WDR90: variants seen among roughly 807,000 people sequenced by gnomAD.
The protein encoded by WDR90 is WD repeat domain 90.
Under a neutral mutation model 195.2 loss-of-function variants are expected in WDR90, and 238 were observed. The ratio of observed to expected loss-of-function variants is 1.22; its 90% confidence interval spans 1.10 to 1.36. WDR90 has a LOEUF of 1.36. WDR90 is among the 40% of genes most tolerant of loss of function. The probability of loss-of-function intolerance (pLI) is 0.00; values close to 1 mark genes in which losing one functional copy is unlikely to be tolerated. For missense variants in WDR90, 2,734 were observed against 2,439.5 expected, an observed-to-expected ratio of 1.12 and a Z score of -2.54; for synonymous variants, 1,265 against 1,052.4, an observed-to-expected ratio of 1.20 and a Z score of -3.91.
In WDR90 at chr16:658,963, G is replaced by A. The variant is rs770759194; in HGVS notation, c.2963G>A (p.Ser988Asn). Residue 988 changes from serine (S) to asparagine (N), a missense_variant, in exon 24 of 41, where the codon AGC becomes AAC. By Grantham distance (46) the Ser-to-Asn change is conservative. Coordinates refer to ENST00000293879, the MANE Select transcript of WDR90 (RefSeq NM_145294.5). ...TCTCCTGACCAGCAGCAGGTCCTCA[G>A]CGCAGGGGACGCCGTCTTCCTCTGG... ...AFSPDQQQVL[S>N]AGDAVFLWDV... The A allele has an allele frequency of 4.3e-6, 7 of 1,612,812 alleles. No individual in the cohort carries two copies. The South Asian group carries it at 7.7e-5, about 18-fold the overall frequency.
chr16:656,593 G>A, intron 18 of WDR90, 56 bp downstream of exon 18: 1 of 1,573,848 alleles, frequency 6.4e-7, no homozygotes. Context: ...TGAAGCTGGG[G>A]TTTGTCAGCG....
At chr16:667,056 G>A in intron 40 of WDR90, 67 bp downstream of exon 40, 1 of 1,491,460 alleles carries the variant, frequency 6.7e-7, no homozygotes, top group South Asian at 1.2e-5. Flanking sequence ...CTGGTGCCCT[G>A]TTCCAAGACA....
chr16:650,003 A>C lies in WDR90; in HGVS notation c.115A>C (p.Lys39Gln). 1.2e-6 allele frequency: 2 copies of C among 1,612,744 alleles called. No homozygotes were observed. The highest frequency in any genetic ancestry group is 1.7e-6 in the Non-Finnish European group (2 of 1,179,934). The change falls in exon 3 of 41, where the codon AAG (lysine) becomes CAG (glutamine). Residue 39 changes from lysine to glutamine, a missense_variant. Physicochemically the swap from Lys to Gln is moderately conservative, Grantham distance 53 (BLOSUM62 1). Transcript: ENST00000293879. ...CCCGCTTCTCCAGGACAAGACCCTG[A>C]AGGGCGCCGTGTATCGCATTCGGGG... ...DVAVVTDKTL[K>Q]GAVYRIRGSV...
rs147587073 is a variant in WDR90 at position 660,420 on chromosome 16, C to T, written c.3289-192C>T. The T allele has an allele frequency of 1.8e-3, 1,214 of 658,826 alleles. 16 individuals carry two copies. In the African/African-American group the frequency reaches 0.019, roughly 10 times the overall value. The allele number at this position is 658,826 out of a possible 1,614,324, so 40.8% of individuals were successfully genotyped here. ...GCAGCTGCCCTTGATGAGAGCCCCA[C>T]GGGCCTGTGCCCCTCCTGGCCCTGG... On this transcript the variant is annotated intron_variant, in intron 27 of 40. Coordinates refer to ENST00000293879, the MANE Select transcript of WDR90 (RefSeq NM_145294.5).
chr16:649,616 G>C, intron 1 of WDR90, 147 bp from the exon 2 acceptor site: 1 of 1,145,118 alleles, frequency 8.7e-7, no homozygotes, highest in Non-Finnish European at 1.1e-6. Flanking sequence ...GCCCGGCCTC[G>C]TCCCGCCAGC....
rs780680625 is a variant in WDR90, at chr16:659,292, C to T, written c.3100C>T (p.Leu1034Phe). ...LEDAASRASE[L>F]PRQQVPKPCQ... ...GGACGCAGCGTCCAGGGCCAGCGAG[C>T]TCCCCCGGCAGCAGGTCCCCAAGCC... Residue 1034 changes from leucine to phenylalanine, a missense_variant, in exon 26 of 41, where the codon CTC (leucine) becomes TTC (phenylalanine). Transcript: ENST00000293879. 1 of 1,603,904 alleles carries T rather than the reference C, an allele frequency of 6.2e-7. No homozygotes were observed. Among genetic ancestry groups the T allele is most frequent in the South Asian group, 1.1e-5 (1 of 89,962 alleles).
chr16:654,072 T>C (rs2037697878), intron 13 of WDR90: 1 of 494,964 alleles, frequency 2.0e-6, no homozygotes, highest in East Asian at 3.2e-5. Flanking sequence ...CCTCGTTCTC[T>C]CTGCTGGTGA....
rs113683627 is a variant in WDR90, at chr16:651,337, AG to A, written c.736+74del. The A allele has an allele frequency of 1.9e-5, 29 of 1,548,088 alleles. No homozygotes were observed. In the African/African-American group the frequency reaches 2.6e-4, roughly 14 times the overall value. On this transcript the variant is annotated intron_variant, in intron 7 of 40. Coordinates refer to ENST00000293879, the MANE Select transcript of WDR90 (RefSeq NM_145294.5). ...TGCGTGGGGCTCGGTAGGAGAGGGC[AG>A]GGCTGGGAAAGGACCCAGTGGTGTG... is the stretch of plus-strand genomic sequence containing the variant.
intron 23 of WDR90, 35 bp downstream of exon 23, chr16:658,688 C>G: frequency 6.3e-7 from 1 of 1,594,904 alleles, no homozygotes; most frequent in Non-Finnish European, 8.6e-7. Flanking sequence ...CTTTGGCGGT[C>G]AGGAGCCTCC....
At chr16:665,872 C>T (rs1367211305) in intron 35 of WDR90, 71 bp downstream of exon 35, 1 of 1,551,410 alleles carries the variant, frequency 6.4e-7, no homozygotes, top group Non-Finnish European at 8.7e-7. Context: ...ATGGGCGGGG[C>T]CGCCTCCTCC....
At chr16:665,612 G>A (rs1368425841) in intron 34 of WDR90, 67 bp from the exon 35 acceptor site, 1 of 1,609,308 alleles carries the variant, frequency 6.2e-7, no homozygotes, top group African/African-American at 1.3e-5. Flanking sequence ...GCTGGAATAG[G>A]AAATGCCTGC....
chr16:653,638 C>T lies in WDR90; in HGVS notation c.1347C>T (p.Phe449=), dbSNP rs1391089175. The change falls in exon 12 of 41, where the codon TTC becomes TTT. Residue 449 remains phenylalanine (F), a synonymous_variant. Coordinates refer to ENST00000293879, the MANE Select transcript of WDR90 (RefSeq NM_145294.5). ...AGACCGGGCGGTGCTTGTGCCTGTT[C>T]CGGAGCCCAATGCACGTTGTCTGCT... ...DFQTGRCLCL[F]RSPMHVVCSL... 1 of 1,613,562 alleles carries T rather than the reference C, an allele frequency of 6.2e-7. No homozygotes were observed. Among genetic ancestry groups the T allele is most frequent in the Admixed American group, 1.7e-5 (1 of 60,016 alleles).
rs958707582 is a variant in WDR90, at chr16:650,592, C to T, written c.442C>T (p.Leu148=). The T allele has an allele frequency of 5.6e-6, 9 of 1,612,580 alleles. No homozygotes were observed. Among genetic ancestry groups the T allele is most frequent in the African/African-American group, 1.3e-5 (1 of 74,928 alleles). The change falls in exon 5 of 41, where the codon CTG becomes TTG. Residue 148 remains leucine, a synonymous_variant. Coordinates refer to ENST00000293879, the MANE Select transcript of WDR90 (RefSeq NM_145294.5). ...GARWTCLQLD[L]QDVLLVYLNR... is the part of the protein sequence containing the mutation. ...CCGCTGGACCTGCCTGCAGCTCGATCTGCAGGACGTTCTCCTGGTCTACCT... is the reference window on the plus strand; with the variant it reads ...CCGCTGGACCTGCCTGCAGCTCGATTTGCAGGACGTTCTCCTGGTCTACCT...
Position 661,747 on chromosome 16 carries a change from T to C in WDR90, c.3824T>C (p.Phe1275Ser). 1 of 1,610,120 alleles carries C rather than the reference T, an allele frequency of 6.2e-7. No individual in the cohort carries two copies. Among genetic ancestry groups the C allele is most frequent in the South Asian group, 1.1e-5 (1 of 90,862 alleles). ...TGTGTGGGCCAGGGCACTGTCACCT[T>C]CTGGCTCCTTCAGCAGCGTGGGGCA... ...LTCVGQGTVTFWLLQQRGADI... is the reference protein window; with the variant it reads ...LTCVGQGTVTSWLLQQRGADI... The change falls in exon 31 of 41, where the codon TTC (phenylalanine) becomes TCC (serine). Residue 1275 changes from phenylalanine (F) to serine (S), a missense_variant. Physicochemically the swap from Phe to Ser is radical, Grantham distance 155 (BLOSUM62 -2). Coordinates refer to ENST00000293879, the MANE Select transcript of WDR90 (RefSeq NM_145294.5).
At chr16:651,574 C>T (rs1463981106) in intron 7 of WDR90, 70 bp from the exon 8 acceptor site, 7 of 1,486,610 alleles carry the variant, frequency 4.7e-6, no homozygotes, top group African/African-American at 2.8e-5. Flanking sequence ...CTGCCCTCCC[C>T]AGGCGTCACC....
At position 659,348 on chromosome 16, in the gene WDR90, C is replaced by T. The variant is rs2037841213; in HGVS notation, c.3156C>T (p.Val1052=). 6.3e-7 allele frequency: 1 copy of T among 1,594,024 alleles called. No individual in the cohort carries two copies. Among genetic ancestry groups the T allele is most frequent in the Non-Finnish European group, 8.5e-7 (1 of 1,171,410 alleles). The part of the protein sequence containing the change: ...PCQASPPRLG[V]CARPPEGGDG... ...AGGCATCTCCACCACGGCTGGGCGT[C>T]TGTGCCAGGCCTCCCGAAGGTGGCG... The change falls in exon 26 of 41, where the codon GTC becomes GTT. Residue 1052 remains valine, a synonymous_variant. Coordinates refer to ENST00000293879, the MANE Select transcript of WDR90 (RefSeq NM_145294.5).
Position 651,688 on chromosome 16 carries a change from T to C in WDR90, c.781T>C (p.Ser261Pro), listed in dbSNP as rs750378044. ...ACAGCCTCTCCCTTGCCCGGTGGCCTCCAGCAAACCTGTGCGGTTCAGTGT... is the reference window on the plus strand; with the variant it reads ...ACAGCCTCTCCCTTGCCCGGTGGCCCCCAGCAAACCTGTGCGGTTCAGTGT... Reference protein sequence around the residue: ...GPQPLPCPVASSKPVRFSVSP... With the variant: ...GPQPLPCPVAPSKPVRFSVSP... The change falls in exon 8 of 41, where the codon TCC (serine) becomes CCC (proline). Residue 261 changes from serine (S) to proline (P), a missense_variant. Physicochemically the swap from Ser to Pro is moderately conservative, Grantham distance 74 (BLOSUM62 -1). Transcript: ENST00000293879. The C allele has an allele frequency of 6.2e-7, 1 of 1,613,032 alleles. No homozygotes were observed. Among genetic ancestry groups the C allele is most frequent in the Admixed American group, 1.7e-5 (1 of 60,012 alleles).
intron 10 of WDR90, 90 bp from the exon 11 acceptor site, chr16:653,251 G>T (rs1389535280): frequency 3.0e-5 from 33 of 1,108,042 alleles, no homozygotes; most frequent in Non-Finnish European, 4.0e-5. Context: ...CCCTCTCCCT[G>T]GGCTGGAGTG....
In WDR90 at chr16:650,631, G is replaced by A. The variant is rs199854299; in HGVS notation, c.481G>A (p.Gly161Ser). The A allele has an allele frequency of 5.5e-5, 88 of 1,612,766 alleles. No homozygotes were observed. In the African/African-American group the frequency reaches 9.6e-4, roughly 18 times the overall value. The change falls in exon 5 of 41, where the codon GGC becomes AGC. Residue 161 changes from glycine to serine, a missense_variant. By Grantham distance (56) the Gly-to-Ser change is moderately conservative (BLOSUM62 0). Transcript: ENST00000293879. ...CCTGGTCTACCTGAACCGGTGCTAC[G>A]GCCATCTCAAGAGCATCAGGCTGTG... is the stretch of plus-strand genomic sequence containing the variant. The part of the protein sequence containing the change: ...VLLVYLNRCY[G>S]HLKSIRLCAS...
Sources: gnomAD v4.1 joint callset for allele counts on GRCh38, gnomAD v4.1.1 for gene constraint, MANE v1.5 for transcripts, NCBI Gene and HGNC (gene_info 2026-07-23, HGNC 2026-07-21) for gene names.